Variants in TOPAZ1 observed in about 807,000 individuals in gnomAD.
TOPAZ1 encodes the protein testis and ovary specific TOPAZ 1, also known as protein TOPAZ1.
A neutral mutation model predicts 172.2 loss-of-function variants in TOPAZ1; 66 were observed. The ratio of observed to expected loss-of-function variants is 0.38; its 90% CI spans 0.31 to 0.47. The LOEUF is 0.47. Among genes scored for constraint, TOPAZ1 ranks in the 20% least tolerant of loss-of-function variants. The pLI is 0.99. For synonymous variants in TOPAZ1, 681 were observed against 683.9 expected, an observed-to-expected ratio of 1.00 and a Z score of 0.07; for missense variants, 1,822 against 1,972.4, an observed-to-expected ratio of 0.92 and a Z score of 1.44.
At position 44,328,306 on chromosome 3, in the gene TOPAZ1, C is replaced by A. The variant is rs1301412561; in HGVS notation, c.4732C>A (p.Leu1578Ile). 1.3e-6 allele frequency: 2 copies of A among 1,514,814 alleles called. No individual in the cohort carries two copies. Among genetic ancestry groups the A allele is most frequent in the Non-Finnish European group, 8.8e-7 (1 of 1,133,814 alleles). 93.8% of individuals were successfully genotyped at this position (1,514,814 alleles called of 1,614,324 possible). ...PLEGNLYRKL[L>I]LIPSYLSEIE... ...GGAAGGAAATTTATACCGAAAACTT[C>A]TTCTAATTCCATCTTATTTATCTGA... Residue 1578 changes from leucine to isoleucine, a missense_variant, in exon 19 of 20, where the codon CTT becomes ATT. Physicochemically the swap from Leu to Ile is conservative, Grantham distance 5. Transcript: ENST00000309765.
chr3:44,322,236 C>CA (rs1700545758), intron 17 of TOPAZ1, among the ~76,000 whole-genome samples: 1 of 152,252 alleles, frequency 6.6e-6, no homozygotes, highest in East Asian at 1.9e-4. Flanking sequence ...AAAGAGAAGT[C>CA]TCTAAGATGA....
At chr3:44,301,435 T>G (rs6770767) in intron 12 of TOPAZ1, among the ~76,000 whole-genome samples, 16 of 152,274 alleles carry the variant, frequency 1.1e-4, no homozygotes, top group African/African-American at 3.8e-4. Flanking sequence ...TATATAACTT[T>G]TGTTAGGTAT....
intron 4 of TOPAZ1, among the ~76,000 whole-genome samples, chr3:44,260,497 T>C (rs1273069739): frequency 1.3e-5 from 2 of 152,128 alleles, no homozygotes; most frequent in Admixed American, 6.6e-5. Context: ...TTTAAAATTT[T>C]CTCCCATATT....
chr3:44,304,003 C>A lies in TOPAZ1; in HGVS notation c.3798-12C>A, dbSNP rs1700306404. 1 of 1,502,856 alleles carries A rather than the reference C, an allele frequency of 6.7e-7. No homozygotes were observed. Among genetic ancestry groups the A allele is most frequent in the East Asian group, 2.5e-5 (1 of 40,408 alleles). The allele number at this position is 1,502,856 out of a possible 1,614,324, so 93.1% of individuals were successfully genotyped here. A position where few individuals can be genotyped will look rare whatever the true frequency, so the allele number is the denominator to read the frequency against. On this transcript the variant is annotated splice_polypyrimidine_tract_variant and intron_variant, in intron 12 of 19. Transcript: ENST00000309765. ...TGAATATAGTATAATTAACTCTTTT[C>A]TTTTGTTAAAGGTTACAGATGAGAC...
intron 12 of TOPAZ1, among the ~76,000 whole-genome samples, chr3:44,300,732 C>T (rs1228759086): frequency 6.6e-6 from 1 of 151,970 alleles, no homozygotes; most frequent in Non-Finnish European, 1.5e-5. Context: ...TAAACATGCA[C>T]ATCCCAAAGG....
intron 16 of TOPAZ1, among the ~76,000 whole-genome samples, chr3:44,318,484 C>A (rs1273524265): frequency 3.2e-4 from 2 of 6,270 alleles, no homozygotes; most frequent in Non-Finnish European, 5.5e-4. Flanking sequence ...CTGAGGGCCA[C>A]GGTGGGGGGT....
At chr3:44,253,964 T>C (rs1261142451) in intron 2 of TOPAZ1, among the ~76,000 whole-genome samples, 1 of 152,194 alleles carries the variant, frequency 6.6e-6, no homozygotes, top group Non-Finnish European at 1.5e-5. Flanking sequence ...AATTTTTGTC[T>C]AAGTGATTAA....
At chr3:44,285,899 T>C (rs528720149) in intron 9 of TOPAZ1, among the ~76,000 whole-genome samples, 5 of 151,896 alleles carry the variant, frequency 3.3e-5, no homozygotes, top group Admixed American at 2.0e-4. Flanking sequence ...GCAGATAATA[T>C]ATTAACAGTT....
In TOPAZ1 at chr3:44,305,150, T is replaced by C; in HGVS notation, c.3868T>C (p.Cys1290Arg). ...LDSALNKLEH[C>R]KEKGDWTKLG... ...TTGTTTTTAATAATTTTGATAGCAT[T>C]GTAAAGAAAAAGGTGACTGGACCAA... The change falls in exon 14 of 20, where the codon TGT becomes CGT. Residue 1290 changes from cysteine (C) to arginine (R), a missense_variant. Physicochemically the swap from Cys to Arg is radical, Grantham distance 180. This residue lies in a region of TOPAZ1 where 333 missense variants were observed against 481.7 expected (regional missense o/e 0.69). Coordinates refer to ENST00000309765, the MANE Select transcript of TOPAZ1 (RefSeq NM_001145030.2). 1 of 1,507,050 alleles carries C rather than the reference T, an allele frequency of 6.6e-7. No homozygotes were observed. The highest frequency in any genetic ancestry group is 8.9e-7 in the Non-Finnish European group (1 of 1,129,942). The allele number at this position is 1,507,050 out of a possible 1,614,324, so 93.4% of individuals were successfully genotyped here. A position where few individuals can be genotyped will look rare whatever the true frequency, so the allele number is the denominator to read the frequency against.
chr3:44,287,870 A>G, intron 11 of TOPAZ1, 31 bp downstream of exon 11: 2 of 1,080,218 alleles, frequency 1.9e-6, no homozygotes, highest in Non-Finnish European at 2.7e-6. Flanking sequence ...TTATTCTCTG[A>G]TGGCGAGTAA....
At position 44,323,285 on chromosome 3, in the gene TOPAZ1, C is replaced by A; in HGVS notation, c.4665C>A (p.Ala1555=). 1 of 1,540,002 alleles carries A rather than the reference C, an allele frequency of 6.5e-7. No homozygotes were observed. The highest frequency in any genetic ancestry group is 8.8e-7 in the Non-Finnish European group (1 of 1,141,780). The part of the protein sequence containing the change: ...GRSRLWLKAR[A]HYKSALSLGC... ...GTCGTTTATGGCTCAAAGCCAGAGCCCACTACAAAAGTAAGTTACATTTAA... is the reference window on the plus strand; with the variant it reads ...GTCGTTTATGGCTCAAAGCCAGAGCACACTACAAAAGTAAGTTACATTTAA... The change falls in exon 18 of 20, where the codon GCC becomes GCA. Residue 1555 remains alanine (A), a synonymous_variant. Transcript: ENST00000309765.
chr3:44,262,069 A>G (rs1699781244), intron 4 of TOPAZ1, among the ~76,000 whole-genome samples: 1 of 152,194 alleles, frequency 6.6e-6, no homozygotes. Context: ...TTATGTTCAT[A>G]AATACCACTT....
intron 2 of TOPAZ1, among the ~76,000 whole-genome samples, chr3:44,246,943 C>G (rs923399203): frequency 6.6e-6 from 1 of 152,186 alleles, no homozygotes; most frequent in Non-Finnish European, 1.5e-5. Flanking sequence ...GCAAACTTCT[C>G]TGTTGAGTGA....
intron 9 of TOPAZ1, among the ~76,000 whole-genome samples, chr3:44,285,003 A>G (rs886578649): frequency 1.6e-4 from 25 of 152,232 alleles, no homozygotes; most frequent in Admixed American, 3.3e-4. Context: ...ATTTAGAAAG[A>G]CATGAATATT....
Position 44,262,431 on chromosome 3 carries a change from G to C in TOPAZ1, c.2968G>C (p.Asp990His). The change falls in exon 5 of 20, where the codon GAC becomes CAC. Residue 990 changes from aspartate to histidine, a missense_variant. Asp to His is a moderately conservative substitution (Grantham distance 81). Coordinates refer to ENST00000309765, the MANE Select transcript of TOPAZ1 (RefSeq NM_001145030.2). ...SDLDEKHRFT[D>H]KVITKEEKEN... ...AATCTCTTCACAGCATAGATTTACA[G>C]ACAAAGTGATTACCAAAGAAGAAAA... The C allele has an allele frequency of 1.3e-6, 2 of 1,487,572 alleles. No individual in the cohort carries two copies. Among genetic ancestry groups the C allele is most frequent in the Non-Finnish European group, 1.8e-6 (2 of 1,093,738 alleles). 92.1% of individuals were successfully genotyped at this position (1,487,572 alleles called of 1,614,324 possible).
rs779083409 is a variant in TOPAZ1 at position 44,244,332 on chromosome 3, T to A, written c.1826T>A (p.Ile609Asn). The A allele has an allele frequency of 1.4e-4, 222 of 1,550,588 alleles. No individual in the cohort carries two copies. Among genetic ancestry groups the A allele is most frequent in the Non-Finnish European group, 1.9e-4 (220 of 1,146,736 alleles). Residue 609 changes from isoleucine (I) to asparagine (N), a missense_variant, in exon 2 of 20, where the codon ATT becomes AAT. By Grantham distance (149) the Ile-to-Asn change is moderately radical. This residue lies in a region of TOPAZ1 where 1,489 missense variants were observed against 1,490.8 expected (regional missense o/e 1.00). Transcript: ENST00000309765. ...EELSRRGSEV[I>N]SNTTEDTQLT... The stretch of plus-strand genomic sequence containing the variant: ...CTGAGCAGAAGAGGGTCAGAGGTAA[T>A]TTCTAACACTACTGAAGATACTCAA...
At chr3:44,291,312 A>G (rs985655994) in intron 12 of TOPAZ1, among the ~76,000 whole-genome samples, 15 of 151,810 alleles carry the variant, frequency 9.9e-5, no homozygotes, top group Non-Finnish European at 2.1e-4. Context: ...GACCTTTAAA[A>G]AAAAAAAAAG....
intron 1 of TOPAZ1, 104 bp from the exon 2 acceptor site, chr3:44,242,749 C>T: frequency 1.1e-6 from 1 of 923,530 alleles, no homozygotes; most frequent in Non-Finnish European, 1.6e-6. Context: ...TACAGCTGTT[C>T]AGGGAAATAA....
At chr3:44,246,487 A>G (rs986906568) in intron 2 of TOPAZ1, among the ~76,000 whole-genome samples, 2 of 152,230 alleles carry the variant, frequency 1.3e-5, no homozygotes, top group Non-Finnish European at 2.9e-5. Context: ...TGTTATAAGA[A>G]CTTGAAACTT....
Sources: gnomAD v4.1 joint callset for allele counts (sites outside exome capture counted in the v4.1 genomes callset) on GRCh38, gnomAD v4.1.1 for gene constraint, gnomAD v4.1.1 regional missense constraint, MANE v1.5 for transcripts, NCBI Gene and HGNC (gene_info 2026-07-23, HGNC 2026-07-21) for gene names.